JMJD1C: variants seen among roughly 807,000 people sequenced by gnomAD.
JMJD1C encodes the protein jumonji domain containing 1C.
Under a neutral mutation model 245.3 loss-of-function variants are expected in JMJD1C, and 31 were observed. The ratio of observed to expected loss-of-function variants is 0.13; its 90% CI spans 0.09 to 0.17. The LOEUF (loss-of-function observed/expected upper bound fraction) is 0.17, where lower values mean the gene tolerates loss of function less well. Ranked by LOEUF, JMJD1C falls within the 10% of genes least tolerant of loss-of-function variation. The pLI is 1.00. For missense variants in JMJD1C, 2,691 were observed against 3,000.2 expected, an observed-to-expected ratio of 0.90 and a Z score of 2.41; for synonymous variants, 1,057 against 1,017.4, an observed-to-expected ratio of 1.04 and a Z score of -0.74.
At chr10:63,295,096 TTTTTG>T (rs1461304079) in intron 2 of JMJD1C, among the ~76,000 whole-genome samples, 1 of 152,024 alleles carries the variant, frequency 6.6e-6, no homozygotes, top group Non-Finnish European at 1.5e-5. Flanking sequence ...GCATTTAGAT[TTTTTG>T]TTTTGAGTGA....
intron 1 of JMJD1C, among the ~76,000 whole-genome samples, chr10:63,474,857 A>T (rs984812076): frequency 2.0e-4 from 20 of 99,818 alleles, no homozygotes; most frequent in Admixed American, 1.4e-3. Flanking sequence ...TCAAATTATT[A>T]AAAAAAAAAA....
intron 2 of JMJD1C, among the ~76,000 whole-genome samples, chr10:63,299,640 C>T (rs1255081878): frequency 1.3e-5 from 2 of 152,138 alleles, no homozygotes; most frequent in African/African-American, 2.4e-5. Context: ...AACTTTGATA[C>T]TGCTGCCCAT....
chr10:63,453,367 A>G (rs2133036275), intron 1 of JMJD1C, among the ~76,000 whole-genome samples: 1 of 152,350 alleles, frequency 6.6e-6, no homozygotes, highest in East Asian at 1.9e-4. Flanking sequence ...CATTATTGAA[A>G]ATGAAGAGTA....
intron 17 of JMJD1C, 74 bp from the exon 18 acceptor site, chr10:63,189,520 AT>A (rs889567490): frequency 5.1e-4 from 649 of 1,267,092 alleles, no homozygotes; most frequent in Non-Finnish European, 6.0e-4. Context: ...CCACAGACTT[AT>A]TTTTTTTTAA....
rs1589848595 is a variant in JMJD1C, at chr10:63,519,247, C to T, written n.113+2491G>A. ...AGTCTAGGGACATTTCAGAGAGCAGCCAGCCATCCTACCTAGGTTGCCTTC... is the reference window on the plus strand; with the variant it reads ...AGTCTAGGGACATTTCAGAGAGCAGTCAGCCATCCTACCTAGGTTGCCTTC... On this transcript the variant is annotated intron_variant and non_coding_transcript_variant, in intron 1 of 3. Transcript: ENST00000633035. Among the ~76,000 whole-genome samples, 7 of 152,252 alleles carry T rather than the reference C, an allele frequency of 4.6e-5. 1 individual carries two copies. The highest frequency in any genetic ancestry group is 3.9e-4 in the Admixed American group (6 of 15,304).
At chr10:63,275,836 C>T (rs1267113323) in intron 2 of JMJD1C, among the ~76,000 whole-genome samples, 1 of 152,098 alleles carries the variant, frequency 6.6e-6, no homozygotes, top group Non-Finnish European at 1.5e-5. Context: ...TTCCTCACAA[C>T]CATATTAGTT....
intron 1 of JMJD1C, among the ~76,000 whole-genome samples, chr10:63,382,271 G>C (rs1947277640): frequency 6.6e-6 from 1 of 152,158 alleles, no homozygotes; most frequent in Admixed American, 6.5e-5. Flanking sequence ...GATGGTTTCT[G>C]TCATAATTGT....
At chr10:63,341,631 G>A (rs1011087766) in intron 2 of JMJD1C, among the ~76,000 whole-genome samples, 1 of 152,226 alleles carries the variant, frequency 6.6e-6, no homozygotes. Flanking sequence ...TCACTGCAGA[G>A]AAGCTGGACA....
At chr10:63,393,844 G>A (rs950394926) in intron 1 of JMJD1C, among the ~76,000 whole-genome samples, 54 of 152,118 alleles carry the variant, frequency 3.5e-4, no homozygotes, top group African/African-American at 1.3e-3. Context: ...AGAACAAAGA[G>A]TTGCACAGTT....
intron 2 of JMJD1C, among the ~76,000 whole-genome samples, chr10:63,287,251 A>G (rs1053616095): frequency 2.0e-5 from 3 of 152,272 alleles, no homozygotes; most frequent in Non-Finnish European, 2.9e-5. Context: ...TGGAACATTT[A>G]AAGTGTATTA....
At chr10:63,180,776 T>A (rs1485871710) in intron 22 of JMJD1C, among the ~76,000 whole-genome samples, 2 of 151,296 alleles carry the variant, frequency 1.3e-5, no homozygotes, top group African/African-American at 4.9e-5. Flanking sequence ...CTAATTTTTT[T>A]TTTTTTTTTT....
chr10:63,337,223 A>G (rs1021680709), intron 2 of JMJD1C, among the ~76,000 whole-genome samples: 5 of 151,522 alleles, frequency 3.3e-5, no homozygotes, highest in African/African-American at 9.7e-5. Context: ...CACGGGCACC[A>G]CTGAGACTGG....
rs145662154 is a variant in JMJD1C at position 63,225,370 on chromosome 10, C to T, written c.448-5387G>A. 5.4e-4 allele frequency among the ~76,000 whole-genome samples: 83 copies of T among 152,296 alleles called. No homozygotes were observed. In the East Asian group the frequency reaches 0.015, roughly 28 times the overall value. On this transcript the variant is annotated intron_variant, in intron 3 of 25. Coordinates refer to ENST00000399262, the MANE Select transcript of JMJD1C (RefSeq NM_032776.3). ...CAGAACACAGAAAAAGTTCAAAAAA[C>T]ATCTTAAATGAGGTTTGGGGGTACA...
At chr10:63,499,009 A>C (rs1043466792) in intron 1 of JMJD1C, among the ~76,000 whole-genome samples, 2 of 152,182 alleles carry the variant, frequency 1.3e-5, no homozygotes, top group African/African-American at 2.4e-5. Flanking sequence ...TTTCACTGAC[A>C]CAGTGTCCTC....
chr10:63,170,977 A>G (rs566925772), intron 24 of JMJD1C, among the ~76,000 whole-genome samples: 1 of 152,308 alleles, frequency 6.6e-6, no homozygotes, highest in South Asian at 2.1e-4. Flanking sequence ...TCATAGTAGG[A>G]AGGTTATTAT....
chr10:63,223,994 C>G (rs188009893), intron 3 of JMJD1C, among the ~76,000 whole-genome samples: 1 of 152,062 alleles, frequency 6.6e-6, no homozygotes, highest in Non-Finnish European at 1.5e-5. Flanking sequence ...CCTCTTGATC[C>G]GCCTGCGTCC....
intron 1 of JMJD1C, among the ~76,000 whole-genome samples, chr10:63,489,150 A>C (rs1200114753): frequency 1.3e-5 from 2 of 152,220 alleles, no homozygotes; most frequent in African/African-American, 2.4e-5. Context: ...CTGTAATCCC[A>C]GCACTTTGGG....
intron 1 of JMJD1C, among the ~76,000 whole-genome samples, chr10:63,463,235 G>C (rs1031207720): frequency 2.0e-5 from 3 of 152,020 alleles, no homozygotes; most frequent in Non-Finnish European, 4.4e-5. Flanking sequence ...CATAATCTTG[G>C]CTCACTGCAG....
intron 20 of JMJD1C, among the ~76,000 whole-genome samples, chr10:63,185,173 C>T (rs1843983306): frequency 6.6e-6 from 1 of 152,216 alleles, no homozygotes; most frequent in African/African-American, 2.4e-5. Flanking sequence ...CTCTGTCACC[C>T]AGGCTGGAGT....
Sources: allele counts gnomAD v4.1 joint callset (sites outside exome capture counted in the v4.1 genomes callset), GRCh38; gene constraint gnomAD v4.1.1; transcripts MANE v1.5; gene names NCBI Gene and HGNC (gene_info 2026-07-23, HGNC 2026-07-21).